The following SUCLG2 variants were observed in gnomAD, a reference collection of about 807,000 sequenced individuals.
The protein encoded by SUCLG2 is succinate--CoA ligase [GDP-forming] subunit beta, mitochondrial.
In SUCLG2, 42 loss-of-function variants were observed where a neutral mutation model predicts 47.9. The observed-to-expected ratio is 0.88, with a 90% CI of 0.69 to 1.14. SUCLG2 has a LOEUF of 1.14. Ranked by LOEUF, SUCLG2 falls within the 50% of genes most tolerant of loss-of-function variation. The probability of loss-of-function intolerance (pLI) is 0.00; values close to 1 mark genes in which losing one functional copy is unlikely to be tolerated. For synonymous variants in SUCLG2, 195 were observed against 197.3 expected (o/e 0.99, Z 0.10); for missense variants, 571 against 525.9 (o/e 1.09, Z -0.84).
At chr3:67,653,961 C>G (rs1023710302) in intron 1 of SUCLG2, among the ~76,000 whole-genome samples, 1 of 152,150 alleles carries the variant, frequency 6.6e-6, no homozygotes, top group Non-Finnish European at 1.5e-5. Flanking sequence ...TCCCATTTTT[C>G]TCCTTGACCC....
chr3:67,420,472 T>G (rs924425134), intron 9 of SUCLG2, among the ~76,000 whole-genome samples: 1 of 152,192 alleles, frequency 6.6e-6, no homozygotes, highest in African/African-American at 2.4e-5. Context: ...AACAAAGTAG[T>G]AGGATGAGTA....
chr3:67,517,093 T>C (rs1384059004), intron 6 of SUCLG2, among the ~76,000 whole-genome samples: 3 of 152,218 alleles, frequency 2.0e-5, no homozygotes, highest in Non-Finnish European at 4.4e-5. Flanking sequence ...ATCCTGGCCC[T>C]TTCTCTCTCA....
intron 10 of SUCLG2, among the ~76,000 whole-genome samples, chr3:67,379,318 C>G (rs1158681643): frequency 6.6e-6 from 1 of 152,130 alleles, no homozygotes. Flanking sequence ...TTTTGAGCAC[C>G]TTCCAATCTC....
intron 9 of SUCLG2, among the ~76,000 whole-genome samples, chr3:67,481,070 T>C (rs989590378): frequency 1.3e-5 from 2 of 152,230 alleles, no homozygotes; most frequent in Non-Finnish European, 2.9e-5. Context: ...GTGCTGCTTC[T>C]TACATAATCT....
intron 9 of SUCLG2, among the ~76,000 whole-genome samples, chr3:67,478,559 C>T (rs975329878): frequency 6.6e-6 from 1 of 152,178 alleles, no homozygotes; most frequent in African/African-American, 2.4e-5. Context: ...TTCCTTGATC[C>T]CTGGTTGTTT....
intron 2 of SUCLG2, among the ~76,000 whole-genome samples, chr3:67,602,002 T>C (rs1708431023): frequency 2.4e-5 from 2 of 85,008 alleles, no homozygotes. Context: ...AATTAAAAAT[T>C]AAAAAAATAA....
intron 2 of SUCLG2, among the ~76,000 whole-genome samples, chr3:67,598,642 T>C (rs2107292503): frequency 6.6e-6 from 1 of 152,318 alleles, no homozygotes; most frequent in South Asian, 2.1e-4. Flanking sequence ...ATGTTTCCTC[T>C]TTCTGGGTAC....
At chr3:67,624,299 T>C (rs1227503360) in intron 1 of SUCLG2, among the ~76,000 whole-genome samples, 3 of 152,228 alleles carry the variant, frequency 2.0e-5, no homozygotes, top group Non-Finnish European at 4.4e-5. Context: ...GGGAAATTCC[T>C]GAGATCATCT....
At chr3:67,608,814 A>G (rs1700472478) in intron 2 of SUCLG2, among the ~76,000 whole-genome samples, 1 of 152,038 alleles carries the variant, frequency 6.6e-6, no homozygotes, top group African/African-American at 2.4e-5. Context: ...AGTAGCTAGG[A>G]CTACAGGCAT....
chr3:67,481,774 A>C (rs562608114), intron 9 of SUCLG2, among the ~76,000 whole-genome samples: 5 of 152,332 alleles, frequency 3.3e-5, no homozygotes, highest in Admixed American at 2.0e-4. Context: ...AGATTATTAC[A>C]ATCAGAAAAA....
At chr3:67,626,020 T>TATATA (rs557460830) in intron 1 of SUCLG2, among the ~76,000 whole-genome samples, 14 of 138,270 alleles carry the variant, frequency 1.0e-4, no homozygotes, top group African/African-American at 3.4e-4. Flanking sequence ...ATATATATAT[T>TATATA]TACATTTTTT....
chr3:67,555,203 C>T (rs1451086675), intron 2 of SUCLG2, among the ~76,000 whole-genome samples: 2 of 152,044 alleles, frequency 1.3e-5, no homozygotes, highest in Non-Finnish European at 2.9e-5. Flanking sequence ...CTAGAAAGAA[C>T]CCTGAGATTT....
chr3:67,390,949 G>C (rs1211589797), intron 10 of SUCLG2, among the ~76,000 whole-genome samples: 1 of 152,062 alleles, frequency 6.6e-6, no homozygotes, highest in Non-Finnish European at 1.5e-5. Flanking sequence ...AGAGGAATAT[G>C]CTTGTTTCTC....
chr3:67,448,904 T>TG (rs1703990174), intron 9 of SUCLG2, among the ~76,000 whole-genome samples: 1 of 152,088 alleles, frequency 6.6e-6, no homozygotes, highest in Non-Finnish European at 1.5e-5. Flanking sequence ...ATTCTGGTAG[T>TG]GAAAAAAAAC....
chr3:67,624,278 G>T (rs921847478), intron 1 of SUCLG2, among the ~76,000 whole-genome samples: 18 of 152,274 alleles, frequency 1.2e-4, no homozygotes, highest in African/African-American at 4.1e-4. Context: ...GGAAATGAGC[G>T]ACCTTCGCTG....
At chr3:67,425,769 CT>C (rs1228210332) in intron 9 of SUCLG2, among the ~76,000 whole-genome samples, 6 of 152,300 alleles carry the variant, frequency 3.9e-5, no homozygotes, top group African/African-American at 1.4e-4. Context: ...TATAATAAAT[CT>C]CTTTATATCT....
chr3:67,487,229 G>C (rs1034254686), intron 9 of SUCLG2, among the ~76,000 whole-genome samples: 9 of 151,998 alleles, frequency 5.9e-5, no homozygotes, highest in Non-Finnish European at 1.3e-4. Flanking sequence ...ACTTGAAATT[G>C]TACCATGGTA....
intron 9 of SUCLG2, among the ~76,000 whole-genome samples, chr3:67,424,677 A>G (rs144086740): frequency 6.6e-6 from 1 of 152,294 alleles, no homozygotes; most frequent in South Asian, 2.1e-4. Context: ...CTGGCAAGTC[A>G]TAAGAGCTCA....
intron 9 of SUCLG2, among the ~76,000 whole-genome samples, chr3:67,428,526 T>C (rs1394947595): frequency 6.6e-6 from 1 of 152,112 alleles, no homozygotes. Context: ...ATTCTAAAAA[T>C]CAGAGCATCT....
Sources: allele counts gnomAD v4.1 joint callset (sites outside exome capture counted in the v4.1 genomes callset), GRCh38; gene constraint gnomAD v4.1.1; transcripts MANE v1.5; gene names NCBI Gene and HGNC (gene_info 2026-07-23, HGNC 2026-07-21).